Variants in PDZD2 observed in about 807,000 individuals in gnomAD.
PDZD2 encodes the protein PDZ domain containing 2.
Under a neutral mutation model 220.7 loss-of-function variants are expected in PDZD2, and 90 were observed. The observed-to-expected ratio is 0.41, with a 90% confidence interval of 0.34 to 0.49. The LOEUF (loss-of-function observed/expected upper bound fraction) is 0.49. PDZD2 is among the 20% of genes least tolerant of loss of function. PDZD2 has a pLI of 0.28. For missense variants in PDZD2, 3,174 were observed against 3,608.5 expected, an observed-to-expected ratio of 0.88 and a Z score of 3.08; for synonymous variants, 1,375 against 1,450.5, an observed-to-expected ratio of 0.95 and a Z score of 1.18.
chr5:31,744,997 T>C (rs1973196), intron 1 of PDZD2, among the ~76,000 whole-genome samples: 109,908 of 151,734 alleles, frequency 0.72, 40,914 homozygotes, highest in East Asian at 0.95. Flanking sequence ...GGCATGAACC[T>C]GGGAGGCGGA....
chr5:31,673,173 C>T (rs1202113067), intron 1 of PDZD2, among the ~76,000 whole-genome samples: 2 of 152,110 alleles, frequency 1.3e-5, no homozygotes, highest in Non-Finnish European at 2.9e-5. Flanking sequence ...CAGGTGGGAA[C>T]GTGGGCTCTT....
intron 2 of PDZD2, among the ~76,000 whole-genome samples, chr5:31,833,182 G>T (rs1432463015): frequency 6.6e-6 from 1 of 152,148 alleles, no homozygotes; most frequent in Non-Finnish European, 1.5e-5. Flanking sequence ...AGAAACAAAG[G>T]TGGAGGCTGG....
intron 8 of PDZD2, among the ~76,000 whole-genome samples, chr5:32,049,163 G>A (rs1021882157): frequency 1.3e-5 from 2 of 152,040 alleles, no homozygotes; most frequent in Non-Finnish European, 2.9e-5. Flanking sequence ...GCTGTAGAGG[G>A]GGGCTGCACT....
chr5:31,867,784 ATTC>A (rs1381379795), intron 2 of PDZD2, among the ~76,000 whole-genome samples: 1 of 149,028 alleles, frequency 6.7e-6, no homozygotes, highest in African/African-American at 2.5e-5. Flanking sequence ...CACGTGTTAT[ATTC>A]TTCTACATAT....
At chr5:31,973,511 G>C (rs1035565986) in intron 2 of PDZD2, among the ~76,000 whole-genome samples, 1 of 152,154 alleles carries the variant, frequency 6.6e-6, no homozygotes, top group Non-Finnish European at 1.5e-5. Context: ...CAGCACAGAG[G>C]GATATTGCAG....
At chr5:32,039,753 A>C (rs1299132812) in intron 7 of PDZD2, among the ~76,000 whole-genome samples, 152 of 68,122 alleles carry the variant, frequency 2.2e-3, no homozygotes, top group Admixed American at 3.8e-3. Flanking sequence ...CCCGGCCGCC[A>C]CCCCGTCTAG....
rs1485548732 is a variant in PDZD2 at position 32,088,722 on chromosome 5, C to T, written c.5274C>T (p.Ser1758=). Residue 1758 remains serine (S), a synonymous_variant, in exon 20 of 25, where the codon TCC becomes TCT. Transcript: ENST00000438447. This position sits in a 1 kb window ranked among gnomAD's most constrained non-coding sequence, Gnocchi z 4.6. Reference sequence around the variant, plus strand: ...GCATTAATGCAGCTGCCAGTCTGTCCTCCTTCAGTGTGGATGTCCCTAAGA... The same window carrying T: ...GCATTAATGCAGCTGCCAGTCTGTCTTCCTTCAGTGTGGATGTCCCTAAGA... ...ETSINAAASL[S]SFSVDVPKNG... 2.5e-6 allele frequency: 4 copies of T among 1,613,988 alleles called. No individual in the cohort carries two copies. Among genetic ancestry groups the T allele is most frequent in the Admixed American group, 1.7e-5 (1 of 60,000 alleles).
intron 8 of PDZD2, 53 bp from the exon 9 acceptor site, chr5:32,052,558 C>G: frequency 6.3e-7 from 1 of 1,575,112 alleles, no homozygotes; most frequent in Non-Finnish European, 8.7e-7. Context: ...TGCCAGATAC[C>G]ACAATAGAAC....
chr5:32,051,549 TTTA>T (rs1458730556), intron 8 of PDZD2, among the ~76,000 whole-genome samples: 1 of 152,146 alleles, frequency 6.6e-6, no homozygotes, highest in Non-Finnish European at 1.5e-5. Flanking sequence ...AGTGAAGAAG[TTTA>T]TTATTCTAAG....
intron 1 of PDZD2, among the ~76,000 whole-genome samples, chr5:31,758,879 A>T (rs1251121757): frequency 1.3e-5 from 2 of 152,150 alleles, no homozygotes; most frequent in South Asian, 4.1e-4. Context: ...GAGCAAAAAA[A>T]GTGTTAGAGA....
intron 1 of PDZD2, among the ~76,000 whole-genome samples, chr5:31,670,519 C>T (rs1273961119): frequency 5.9e-5 from 9 of 152,110 alleles, no homozygotes; most frequent in African/African-American, 2.2e-4. Context: ...CGGGTTCAAA[C>T]GATGCTCCTG....
intron 2 of PDZD2, among the ~76,000 whole-genome samples, chr5:31,821,682 A>AT (rs1008900823): frequency 7.9e-5 from 12 of 151,608 alleles, no homozygotes; most frequent in East Asian, 5.8e-4. Context: ...CCCGGCCATG[A>AT]TTTTTTTTTA....
intron 14 of PDZD2, among the ~76,000 whole-genome samples, chr5:32,062,312 A>G (rs1739762332): frequency 6.6e-6 from 1 of 152,208 alleles, no homozygotes; most frequent in African/African-American, 2.4e-5. Context: ...CAAATAAACT[A>G]TAATGGAAAA....
intron 2 of PDZD2, among the ~76,000 whole-genome samples, chr5:31,867,904 C>T (rs1332738504): frequency 2.5e-5 from 2 of 79,754 alleles, no homozygotes; most frequent in Non-Finnish European, 5.1e-5. Context: ...CGGGGAGGGG[C>T]GGGGCAGAGC....
chr5:32,108,352 G>A lies in PDZD2; in HGVS notation c.*217G>A. 1 of 371,650 alleles carries A rather than the reference G, an allele frequency of 2.7e-6. No homozygotes were observed. The highest frequency in any genetic ancestry group is 4.8e-6 in the Non-Finnish European group (1 of 208,766). The allele number at this position is 371,650 out of a possible 1,614,324, so 23.0% of individuals were successfully genotyped here. On this transcript the variant is annotated 3_prime_UTR_variant, in exon 25 of 25. Coordinates refer to ENST00000438447, the MANE Select transcript of PDZD2 (RefSeq NM_178140.4). ...TCCACCTGCGTCACCCAGGCCGGGA[G>A]GGTTCCTTCGTTCCAGTGCCTGTCC... is the stretch of plus-strand genomic sequence containing the variant.
At chr5:31,831,288 G>A (rs999521048) in intron 2 of PDZD2, among the ~76,000 whole-genome samples, 5 of 150,492 alleles carry the variant, frequency 3.3e-5, no homozygotes, top group African/African-American at 7.4e-5. Context: ...CGAGACCATC[G>A]TGGCCAACAT....
intron 10 of PDZD2, among the ~76,000 whole-genome samples, chr5:32,056,746 T>G (rs946269259): frequency 2.0e-5 from 3 of 152,072 alleles, no homozygotes; most frequent in Non-Finnish European, 4.4e-5. Context: ...GATAGAAGCT[T>G]ATAGTAAACT....
chr5:31,920,323 A>G (rs1017729141), intron 2 of PDZD2, among the ~76,000 whole-genome samples: 2 of 151,812 alleles, frequency 1.3e-5, no homozygotes, highest in East Asian at 3.9e-4. Context: ...ATTTTTTCTG[A>G]GCGAAAGATA....
chr5:31,879,622 T>A lies in PDZD2; in HGVS notation c.476+79898T>A, dbSNP rs116918566. 7.3e-4 allele frequency among the ~76,000 whole-genome samples: 111 copies of A among 152,282 alleles called. No homozygotes were observed. In the East Asian group the frequency reaches 0.019, roughly 26 times the overall value. On this transcript the variant is annotated intron_variant, in intron 2 of 24. Coordinates refer to ENST00000438447, the MANE Select transcript of PDZD2 (RefSeq NM_178140.4). ...AACTCAGTTTGTCCGCTGGTTGGTG[T>A]TTCGTGCCTACATTTCTATTGCCTT...
Sources: gnomAD v4.1 joint callset for allele counts (sites outside exome capture counted in the v4.1 genomes callset) on GRCh38, gnomAD v4.1.1 for gene constraint, Gnocchi (gnomAD v3.1) non-coding constraint, MANE v1.5 for transcripts, NCBI Gene and HGNC (gene_info 2026-07-23, HGNC 2026-07-21) for gene names.